The following LRRTM4 variants were observed in gnomAD, a reference collection of about 807,000 sequenced individuals.
LRRTM4 encodes leucine rich repeat transmembrane neuronal 4, also known as leucine-rich repeat transmembrane neuronal protein 4.
LRRTM4 carries 25 observed loss-of-function variants against 47.6 expected under a neutral mutation model. The observed-to-expected ratio is 0.53, with a 90% CI of 0.38 to 0.73. LRRTM4 has a LOEUF of 0.73. Among genes scored for constraint, LRRTM4 ranks in the 30% least tolerant of loss-of-function variants. The probability of loss-of-function intolerance (pLI) is 0.00; values close to 1 mark genes in which losing one functional copy is unlikely to be tolerated. For synonymous variants in LRRTM4, 311 were observed against 269.5 expected (o/e 1.15, Z -1.51); for missense variants, 638 against 713.4 (o/e 0.89, Z 1.20).
Position 77,168,910 on chromosome 2 carries a change from A to C in LRRTM4, c.1551+349408T>G, listed in dbSNP as rs539580126. ...CAAGTGAAATTTATCCCAGGGATGCAAGGATGGTTTAACATATGCAAGTTA... is the reference window on the plus strand; with the variant it reads ...CAAGTGAAATTTATCCCAGGGATGCCAGGATGGTTTAACATATGCAAGTTA... On this transcript the variant is annotated intron_variant, in intron 3 of 3. Transcript: ENST00000409884. Among the ~76,000 whole-genome samples the C allele has an allele frequency of 7.9e-5, 12 of 152,292 alleles. No individual in the cohort carries two copies. The East Asian group carries it at 2.1e-3, about 27-fold the overall frequency.
At position 77,518,915 on chromosome 2, in the gene LRRTM4, G is replaced by T. The variant is rs1381792884; in HGVS notation, c.954C>A (p.Ser318Arg). 3 of 1,608,250 alleles carry T rather than the reference G, an allele frequency of 1.9e-6. No individual in the cohort carries two copies. In the East Asian group the frequency reaches 6.7e-5, roughly 36 times the overall value. ...LSGNMWECSR[S>R]ICPLFYWLKN... ...TAAGCCAATAAAATAAAGGACAAAT[G>T]CTCCGACTGCATTCCCACATATTTC... The change falls in exon 3 of 4, where the codon AGC becomes AGA. Residue 318 changes from serine (S) to arginine (R), a missense_variant. Ser to Arg is a moderately radical substitution (Grantham distance 110). Transcript: ENST00000409884.
chr2:77,245,032 A>G (rs976081128), intron 3 of LRRTM4, among the ~76,000 whole-genome samples: 5 of 152,112 alleles, frequency 3.3e-5, no homozygotes, highest in Non-Finnish European at 7.4e-5. Flanking sequence ...TGACCCACCT[A>G]AAGTATAGGA....
intron 3 of LRRTM4, among the ~76,000 whole-genome samples, chr2:76,761,188 A>T (rs1362371743): frequency 6.6e-6 from 1 of 152,234 alleles, no homozygotes; most frequent in African/African-American, 2.4e-5. Flanking sequence ...GCCTGCCGGG[A>T]GATTGCTTGA....
chr2:77,381,023 A>G (rs1673031155), intron 3 of LRRTM4, among the ~76,000 whole-genome samples: 1 of 152,062 alleles, frequency 6.6e-6, no homozygotes, highest in Non-Finnish European at 1.5e-5. Context: ...GGTTGTTACT[A>G]TTATGAGTAA....
intron 3 of LRRTM4, among the ~76,000 whole-genome samples, chr2:77,219,957 A>T (rs1440923388): frequency 6.6e-6 from 1 of 152,148 alleles, no homozygotes; most frequent in African/African-American, 2.4e-5. Flanking sequence ...GGCACCCCCC[A>T]GTAGGGGTGG....
At chr2:76,941,399 T>G (rs1675138171) in intron 3 of LRRTM4, among the ~76,000 whole-genome samples, 1 of 152,038 alleles carries the variant, frequency 6.6e-6, no homozygotes. Context: ...TGTGCCATGG[T>G]GGTTTGCTGC....
At chr2:76,846,554 A>G (rs1671843113) in intron 3 of LRRTM4, among the ~76,000 whole-genome samples, 1 of 152,160 alleles carries the variant, frequency 6.6e-6, no homozygotes, top group Non-Finnish European at 1.5e-5. Context: ...TTTATCTACC[A>G]TAAATGCTAT....
chr2:77,274,106 T>G lies in LRRTM4; in HGVS notation c.1551+244212A>C, dbSNP rs145940942. ...ATATTTCCAAAGCCCTCACACTCTGTTATGTATTGCTTTCTCTGTCTCTCA... is the reference window on the plus strand; with the variant it reads ...ATATTTCCAAAGCCCTCACACTCTGGTATGTATTGCTTTCTCTGTCTCTCA... On this transcript the variant is annotated intron_variant, in intron 3 of 3. Transcript: ENST00000409884. Among the ~76,000 whole-genome samples, 204 of 152,152 alleles carry G rather than the reference T, an allele frequency of 1.3e-3. 3 individuals carry two copies. Among genetic ancestry groups the G allele is most frequent in the African/African-American group, 4.7e-3 (194 of 41,534 alleles).
intron 3 of LRRTM4, among the ~76,000 whole-genome samples, chr2:76,981,283 CAT>C (rs1676599253): frequency 6.6e-6 from 1 of 151,982 alleles, no homozygotes; most frequent in Admixed American, 6.6e-5. Flanking sequence ...GATAATAAAA[CAT>C]AGAAAGGAAA....
At chr2:76,966,617 T>G (rs1676033550) in intron 3 of LRRTM4, among the ~76,000 whole-genome samples, 1 of 151,496 alleles carries the variant, frequency 6.6e-6, no homozygotes, top group African/African-American at 2.4e-5. Context: ...TGTAAGTAAT[T>G]TCTTGGAAAA....
chr2:76,950,192 T>C (rs1046251804), intron 3 of LRRTM4, among the ~76,000 whole-genome samples: 1 of 151,916 alleles, frequency 6.6e-6, no homozygotes, highest in African/African-American at 2.4e-5. Context: ...TAAATAGCTC[T>C]GCCAGAAAAC....
chr2:77,357,109 C>A (rs1362363941), intron 3 of LRRTM4, among the ~76,000 whole-genome samples: 1 of 151,898 alleles, frequency 6.6e-6, no homozygotes, highest in Non-Finnish European at 1.5e-5. Flanking sequence ...TTATGTCATG[C>A]CTGAGATATT....
intron 3 of LRRTM4, among the ~76,000 whole-genome samples, chr2:77,396,511 T>C (rs972214610): frequency 1.6e-4 from 25 of 152,090 alleles, no homozygotes; most frequent in Admixed American, 5.9e-4. Flanking sequence ...CAGAAGAAAG[T>C]AAATTTGGCT....
Position 77,519,356 on chromosome 2 carries a change from A to G in LRRTM4, c.513T>C (p.Thr171=), listed in dbSNP as rs761872264. 1.2e-6 allele frequency: 2 copies of G among 1,613,476 alleles called. No individual in the cohort carries two copies. Among genetic ancestry groups the G allele is most frequent in the South Asian group, 1.1e-5 (1 of 91,076 alleles). Residue 171 remains threonine, a synonymous_variant, in exon 3 of 4, where the codon ACT becomes ACC. Transcript: ENST00000409884. This position sits in a 1 kb window ranked among gnomAD's most constrained non-coding sequence, Gnocchi z 4.6. ...ILHLRSNSLK[T]VPIRVFQDCR... The stretch of plus-strand genomic sequence containing the variant: ...AGTCTTGAAAAACTCTTATGGGCAC[A>G]GTCTTTAGTGAGTTAGATCTCAAGT...
intron 3 of LRRTM4, among the ~76,000 whole-genome samples, chr2:77,333,177 T>C (rs907794725): frequency 1.3e-5 from 2 of 152,194 alleles, no homozygotes; most frequent in African/African-American, 4.8e-5. Flanking sequence ...CTTTTGTAAA[T>C]TGCCCAGTCT....
chr2:76,750,470 C>A (rs1034879104), intron 3 of LRRTM4, among the ~76,000 whole-genome samples: 1 of 152,172 alleles, frequency 6.6e-6, no homozygotes, highest in Non-Finnish European at 1.5e-5. Context: ...AACTCTATAT[C>A]CAGTTAGCAT....
intron 3 of LRRTM4, among the ~76,000 whole-genome samples, chr2:77,071,556 A>C (rs1043463350): frequency 2.0e-5 from 3 of 152,202 alleles, no homozygotes; most frequent in Admixed American, 1.3e-4. Flanking sequence ...CAATAGCAAT[A>C]AATTATAATT....
intron 3 of LRRTM4, among the ~76,000 whole-genome samples, chr2:76,923,303 A>G (rs565903165): frequency 6.6e-6 from 1 of 152,166 alleles, no homozygotes; most frequent in African/African-American, 2.4e-5. Flanking sequence ...GCTGGTTTCT[A>G]TCAGCTTGGA....
intron 3 of LRRTM4, among the ~76,000 whole-genome samples, chr2:76,807,417 T>TATATACATATATATACGTATATAC (rs1670529175): frequency 2.3e-5 from 2 of 85,356 alleles, no homozygotes; most frequent in African/African-American, 1.2e-4. Context: ...CGTATATATA[T>TATATACATATATATACGTATATAC]ATATATACAT....
Sources: allele counts gnomAD v4.1 joint callset (sites outside exome capture counted in the v4.1 genomes callset), GRCh38; gene constraint gnomAD v4.1.1; non-coding constraint Gnocchi (gnomAD v3.1); transcripts MANE v1.5; gene names NCBI Gene and HGNC (gene_info 2026-07-23, HGNC 2026-07-21).